The following PRKD2 variants were observed in gnomAD, a reference collection of about 807,000 sequenced individuals.
The protein encoded by PRKD2 is protein kinase D2, also known as serine/threonine-protein kinase D2.
PRKD2 carries 22 observed loss-of-function variants against 86.0 expected under a neutral mutation model. That is an observed-to-expected ratio of 0.26 (90% CI 0.18 to 0.37). PRKD2 has a LOEUF of 0.37. Among genes scored for constraint, PRKD2 ranks in the 10% least tolerant of loss-of-function variants. PRKD2 has a pLI of 1.00. For synonymous variants in PRKD2, 509 were observed against 510.9 expected, an observed-to-expected ratio of 1.00 and a Z score of 0.05; for missense variants, 818 against 1,199.2, an observed-to-expected ratio of 0.68 and a Z score of 4.70.
chr19:46,676,300 T>C (rs776200368), intron 16 of PRKD2, among the ~76,000 whole-genome samples: 2 of 152,076 alleles, frequency 1.3e-5, no homozygotes, highest in African/African-American at 2.4e-5. Flanking sequence ...TGGTAGCGCA[T>C]GCCTGTAGTC....
intron 14 of PRKD2, among the ~76,000 whole-genome samples, chr19:46,686,402 G>C (rs2053397715): frequency 6.6e-6 from 1 of 151,114 alleles, no homozygotes; most frequent in Admixed American, 6.6e-5. Context: ...TCAGGAGACT[G>C]AGATGGGAGG....
chr19:46,689,495 C>G (rs1348850853), intron 14 of PRKD2, 42 bp downstream of exon 14: 2 of 1,560,202 alleles, frequency 1.3e-6, no homozygotes, highest in East Asian at 2.3e-5. Context: ...AAGCTGACAC[C>G]TGATGGGGAG....
In PRKD2 at chr19:46,716,094, T is replaced by C; in HGVS notation, c.240+37A>G. ...TCTGCCAGCGCCCCCTCCTTCAACC[T>C]CTCCCCGAGCTGGATCCAGGGAGCC... On this transcript the variant is annotated intron_variant, in intron 1 of 17. Coordinates refer to ENST00000291281, the MANE Select transcript of PRKD2 (RefSeq NM_016457.5). The surrounding 1 kb of genome is among the most constrained non-coding windows in gnomAD (Gnocchi z 7.9). 6.2e-7 allele frequency: 1 copy of C among 1,600,266 alleles called. No individual in the cohort carries two copies. The highest frequency in any genetic ancestry group is 1.4e-5 in the African/African-American group (1 of 73,442).
chr19:46,689,507 G>A (rs976158972), intron 14 of PRKD2, 30 bp downstream of exon 14: 1 of 1,568,324 alleles, frequency 6.4e-7, no homozygotes, highest in South Asian at 1.2e-5. Context: ...GATGGGGAGG[G>A]GCGGGTGGCA....
chr19:46,697,886 C>G (rs763195205), intron 7 of PRKD2, 36 bp from the exon 8 acceptor site: 1 of 1,514,048 alleles, frequency 6.6e-7, no homozygotes, highest in African/African-American at 1.4e-5. Flanking sequence ...AAGTCACATG[C>G]AGAAAGTGAC....
At chr19:46,703,641 G>A (rs1181599918) in intron 5 of PRKD2, among the ~76,000 whole-genome samples, 2 of 151,864 alleles carry the variant, frequency 1.3e-5, no homozygotes, top group African/African-American at 4.8e-5. Context: ...GCATGGTGGC[G>A]GGCGCCTGTA....
At chr19:46,689,904 T>C (rs189131031) in intron 13 of PRKD2, among the ~76,000 whole-genome samples, 118 of 152,252 alleles carry the variant, frequency 7.8e-4, no homozygotes, top group Non-Finnish European at 1.3e-3. Flanking sequence ...GGATCTTTTT[T>C]TTCTTTCTAT....
intron 12 of PRKD2, 88 bp from the exon 13 acceptor site, chr19:46,690,794 C>T (rs1393590800): frequency 1.6e-6 from 2 of 1,224,118 alleles, no homozygotes; most frequent in Admixed American, 3.8e-5. Flanking sequence ...AACCTCTGCC[C>T]CCCACCATGG....
chr19:46,713,028 TC>T (rs1418901000), intron 2 of PRKD2, among the ~76,000 whole-genome samples: 1 of 151,994 alleles, frequency 6.6e-6, no homozygotes, highest in Non-Finnish European at 1.5e-5. Context: ...CTACTTTTTT[TC>T]TTTTTTAGAG....
intron 9 of PRKD2, among the ~76,000 whole-genome samples, chr19:46,695,017 C>T (rs576541474): frequency 5.3e-5 from 8 of 151,536 alleles, no homozygotes; most frequent in African/African-American, 1.9e-4. Flanking sequence ...GCCAGAGCAA[C>T]ACAATGAGAC....
intron 8 of PRKD2, among the ~76,000 whole-genome samples, 162 bp downstream of exon 8, chr19:46,697,571 C>T (rs1380950707): frequency 2.0e-5 from 3 of 151,892 alleles, no homozygotes; most frequent in African/African-American, 7.3e-5. Flanking sequence ...CCCTTACAGC[C>T]CACACTTCTA....
chr19:46,689,394 C>T (rs1214348980), intron 14 of PRKD2, 143 bp downstream of exon 14: 5 of 1,006,374 alleles, frequency 5.0e-6, no homozygotes, highest in Non-Finnish European at 7.1e-6. Context: ...GGGTGTGAGC[C>T]ACTGCGCCCA....
chr19:46,680,946 A>ATATATATATATATTTT, intron 15 of PRKD2, among the ~76,000 whole-genome samples: 62 of 48,214 alleles, frequency 1.3e-3, no homozygotes, highest in African/African-American at 3.2e-3. Flanking sequence ...ATATATATAT[A>ATATATATATATATTTT]TTTTTTTTTT....
chr19:46,701,384 G>T (rs2053632532), intron 5 of PRKD2, among the ~76,000 whole-genome samples: 1 of 151,826 alleles, frequency 6.6e-6, no homozygotes. Flanking sequence ...ATTTTGGGAG[G>T]CCGGGGAGAG....
At chr19:46,683,982 A>G (rs1313297902) in intron 14 of PRKD2, among the ~76,000 whole-genome samples, 2 of 151,210 alleles carry the variant, frequency 1.3e-5, no homozygotes, top group Non-Finnish European at 2.9e-5. Context: ...TGTGAGAATC[A>G]TATTTCTTGA....
intron 5 of PRKD2, among the ~76,000 whole-genome samples, 176 bp downstream of exon 5, chr19:46,703,993 A>ACACACACACAC (rs1568732338): frequency 3.5e-4 from 53 of 149,490 alleles, no homozygotes; most frequent in Middle Eastern, 3.4e-3. Flanking sequence ...ACACACACAC[A>ACACACACACAC]ACTGAGGTTC....
chr19:46,679,667 C>T (rs2053266539), intron 15 of PRKD2, among the ~76,000 whole-genome samples: 1 of 152,138 alleles, frequency 6.6e-6, no homozygotes, highest in African/African-American at 2.4e-5. Context: ...CTCTGTCGCC[C>T]AGGCTGGAGT....
At chr19:46,715,209 T>C (rs1180062376) in intron 1 of PRKD2, among the ~76,000 whole-genome samples, 2 of 152,368 alleles carry the variant, frequency 1.3e-5, no homozygotes, top group East Asian at 1.9e-4. Flanking sequence ...CTGTGCTCTT[T>C]GAATTCTTTA....
chr19:46,697,639 TC>T (rs1259714138), intron 8 of PRKD2, 93 bp downstream of exon 8: 23 of 1,214,360 alleles, frequency 1.9e-5, no homozygotes, highest in Non-Finnish European at 2.5e-5. Flanking sequence ...CGCGCCTAGC[TC>T]CAGCCCCACC....
Sources: allele counts gnomAD v4.1 joint callset (sites outside exome capture counted in the v4.1 genomes callset), GRCh38; gene constraint gnomAD v4.1.1; non-coding constraint Gnocchi (gnomAD v3.1); transcripts MANE v1.5; gene names NCBI Gene and HGNC (gene_info 2026-07-23, HGNC 2026-07-21).